CAPN3: variants seen among roughly 807,000 people sequenced by gnomAD.
CAPN3 encodes the protein calpain 3, also known as calpain-3.
In CAPN3, 88 loss-of-function variants were observed where a neutral mutation model predicts 114.0. That is an observed-to-expected ratio of 0.77 (90% CI 0.65 to 0.92). The LOEUF (loss-of-function observed/expected upper bound fraction) is 0.92, where lower values mean the gene tolerates loss of function less well. CAPN3 is among the 40% of genes least tolerant of loss of function. CAPN3 has a pLI of 0.00. For synonymous variants in CAPN3, 386 were observed against 382.9 expected, an observed-to-expected ratio of 1.01 and a Z score of -0.09; for missense variants, 1,028 against 1,069.0, an observed-to-expected ratio of 0.96 and a Z score of 0.53.
At position 42,411,020 on chromosome 15, in the gene CAPN3, T is replaced by C; in HGVS notation, c.2380+20T>C. On this transcript the variant is annotated intron_variant, in intron 22 of 23. Transcript: ENST00000397163. Reference sequence around the variant, plus strand: ...TGTTCAGTAAGTGGGAGAGGGGGGCTGCCCTCTGCTCTCTTGCAGGGGCAG... The same window carrying C: ...TGTTCAGTAAGTGGGAGAGGGGGGCCGCCCTCTGCTCTCTTGCAGGGGCAG... 6.5e-7 allele frequency: 1 copy of C among 1,539,678 alleles called. No individual in the cohort carries two copies. The highest frequency in any genetic ancestry group is 9.0e-7 in the Non-Finnish European group (1 of 1,112,170).
At chr15:42,409,883 G>GGGCCCCCCCCCCCCC in intron 18 of CAPN3, 39 bp downstream of exon 18, 2 of 559,482 alleles carry the variant, frequency 3.6e-6, no homozygotes, top group Non-Finnish European at 7.1e-6. Flanking sequence ...GGTGGGTGGG[G>GGGCCCCCCCCCCCCC]AGTCCCGTTG....
rs896826849 is a variant in CAPN3 at position 42,394,242 on chromosome 15, T to A, written c.1030-14T>A. On this transcript the variant is annotated splice_polypyrimidine_tract_variant and intron_variant, in intron 7 of 23. Transcript: ENST00000397163. ...GAGGCTGCAGAGCATGAGAGCTCTT[T>A]CTGTGTGCTTAAGGTCCCGTTCAAA... 2 of 1,553,146 alleles carry A rather than the reference T, an allele frequency of 1.3e-6. No individual in the cohort carries two copies. Among genetic ancestry groups the A allele is most frequent in the Admixed American group, 2.0e-5 (1 of 51,150 alleles).
intron 12 of CAPN3, 50 bp from the exon 13 acceptor site, chr15:42,402,744 G>A (rs1432635522): frequency 1.3e-6 from 2 of 1,595,168 alleles, no homozygotes; most frequent in Non-Finnish European, 1.7e-6. Context: ...GGCAGGACAG[G>A]ATGTTCCTCC....
chr15:42,384,612 A>C, intron 2 of CAPN3, 60 bp downstream of exon 2: 3 of 1,266,386 alleles, frequency 2.4e-6, no homozygotes, highest in Non-Finnish European at 2.3e-6. Context: ...ACAAGGTGTG[A>C]TCCCCTTCCA....
intron 4 of CAPN3, among the ~76,000 whole-genome samples, chr15:42,388,717 G>A (rs574292327): frequency 6.6e-6 from 1 of 152,208 alleles, no homozygotes; most frequent in South Asian, 2.1e-4. Context: ...GCTCTCTGTG[G>A]TCTTGGGTGG....
At chr15:42,404,416 G>A (rs1199531944) in intron 14 of CAPN3, 5 of 456,426 alleles carry the variant, frequency 1.1e-5, no homozygotes, top group African/African-American at 8.0e-5. Flanking sequence ...TTGCTGAGAG[G>A]TAGATGGGGT....
chr15:42,368,588 C>T (rs190734497), intron 1 of CAPN3, among the ~76,000 whole-genome samples: 1 of 152,210 alleles, frequency 6.6e-6, no homozygotes, highest in African/African-American at 2.4e-5. Flanking sequence ...AAAATGTGAC[C>T]AGAGACTCAT....
chr15:42,389,415 T>C (rs893473996), intron 5 of CAPN3, among the ~76,000 whole-genome samples: 1 of 152,196 alleles, frequency 6.6e-6, no homozygotes, highest in Admixed American at 6.5e-5. Context: ...GGCCACGTAC[T>C]TGGCTGTGGA....
chr15:42,401,204 A>G (rs1443720340), intron 10 of CAPN3, among the ~76,000 whole-genome samples: 1 of 152,060 alleles, frequency 6.6e-6, no homozygotes, highest in African/African-American at 2.4e-5. Context: ...AAAAAAAAAA[A>G]AGTGAGAGAG....
At chr15:42,392,801 C>T in intron 7 of CAPN3, 79 bp downstream of exon 7, 2 of 1,155,536 alleles carry the variant, frequency 1.7e-6, no homozygotes, top group Non-Finnish European at 2.6e-6. Flanking sequence ...CTGTTGGGGC[C>T]CCTTCCCTGT....
At chr15:42,375,163 T>A (rs960007374) in intron 1 of CAPN3, among the ~76,000 whole-genome samples, 16 of 151,926 alleles carry the variant, frequency 1.1e-4, no homozygotes, top group African/African-American at 3.6e-4. Context: ...CTCATGTGTC[T>A]TTTTCAGAGC....
chr15:42,404,876 G>A (rs1404598507), intron 14 of CAPN3: 1 of 1,046,300 alleles, frequency 9.6e-7, no homozygotes, highest in African/African-American at 1.7e-5. Context: ...ATCTGTTCTG[G>A]TCATCTGGAT....
intron 13 of CAPN3, 130 bp from the exon 14 acceptor site, chr15:42,403,611 T>A: frequency 2.4e-6 from 2 of 828,904 alleles, no homozygotes; most frequent in Non-Finnish European, 4.2e-6. Flanking sequence ...GGGGTTGGGG[T>A]GTTCCAGGGG....
At chr15:42,404,387 C>A in intron 14 of CAPN3, 1 of 456,530 alleles carries the variant, frequency 2.2e-6, no homozygotes, top group South Asian at 1.5e-5. Context: ...TCACATGTGT[C>A]ATCGCGATAC....
At chr15:42,407,916 A>G (rs1302535125) in intron 15 of CAPN3, among the ~76,000 whole-genome samples, 1 of 152,178 alleles carries the variant, frequency 6.6e-6, no homozygotes, top group Non-Finnish European at 1.5e-5. Context: ...AAGTCTACAA[A>G]ATACTTGACA....
Position 42,409,941 on chromosome 15 carries a change from G to C in CAPN3, c.2061G>C (p.Leu687=). ...TCTCCATCCCCCCAGACAAGGACCT[G>C]AAGACACACGGGTTCACACTGGAGT... ...LNTVVNKHKD[L]KTHGFTLESC... is the part of the protein sequence containing the mutation. Residue 687 remains leucine (L), a synonymous_variant, in exon 19 of 24, where the codon CTG becomes CTC. Transcript: ENST00000397163. 1 of 1,612,506 alleles carries C rather than the reference G, an allele frequency of 6.2e-7. No individual in the cohort carries two copies. Among genetic ancestry groups the C allele is most frequent in the Non-Finnish European group, 8.5e-7 (1 of 1,179,932 alleles).
intron 2 of CAPN3, chr15:42,385,599 C>G (rs2053379484): frequency 2.0e-6 from 1 of 503,402 alleles, no homozygotes; most frequent in African/African-American, 2.1e-5. Context: ...ATACAGTACT[C>G]TGTCAGAAAA....
chr15:42,380,738 TA>T (rs2053222339), intron 1 of CAPN3, among the ~76,000 whole-genome samples: 1 of 60,366 alleles, frequency 1.7e-5, no homozygotes, highest in Non-Finnish European at 3.1e-5. Flanking sequence ...CATATATATA[TA>T]TATATATATA....
chr15:42,389,546 G>T (rs575348600), intron 5 of CAPN3, among the ~76,000 whole-genome samples: 15 of 152,354 alleles, frequency 9.8e-5, no homozygotes, highest in African/African-American at 3.6e-4. Flanking sequence ...GCACCTTTCA[G>T]TGCAAAGAAA....
Sources: allele counts gnomAD v4.1 joint callset (sites outside exome capture counted in the v4.1 genomes callset), GRCh38; gene constraint gnomAD v4.1.1; transcripts MANE v1.5; gene names NCBI Gene and HGNC (gene_info 2026-07-23, HGNC 2026-07-21).